Variants in TAFA2 observed in about 807,000 individuals in gnomAD.
The protein encoded by TAFA2 is chemokine-like protein TAFA-2.
Under a neutral mutation model 18.8 loss-of-function variants are expected in TAFA2, and 7 were observed. The observed-to-expected ratio is 0.37, with a 90% confidence interval of 0.21 to 0.70. The LOEUF (loss-of-function observed/expected upper bound fraction) is 0.70. Among genes scored for constraint, TAFA2 ranks in the 30% least tolerant of loss-of-function variants. TAFA2 has a pLI of 0.53. For synonymous variants in TAFA2, 60 were observed against 54.2 expected, an observed-to-expected ratio of 1.11 and a Z score of -0.47; for missense variants, 122 against 158.1, an observed-to-expected ratio of 0.77 and a Z score of 1.23.
At chr12:61,832,659 A>C (rs1361851603) in intron 2 of TAFA2, among the ~76,000 whole-genome samples, 1 of 152,112 alleles carries the variant, frequency 6.6e-6, no homozygotes, top group Non-Finnish European at 1.5e-5. Flanking sequence ...ACTGCTGGCC[A>C]TATCCAGTGT....
At chr12:62,207,196 A>T (rs768968201) in intron 1 of TAFA2, 5 of 152,182 alleles carry the variant, frequency 3.3e-5, no homozygotes, top group Non-Finnish European at 7.3e-5. Flanking sequence ...CCAACATTAG[A>T]CTGCATGCCT....
At chr12:61,907,833 TG>T (rs1373765849) in intron 1 of TAFA2, among the ~76,000 whole-genome samples, 1 of 152,216 alleles carries the variant, frequency 6.6e-6, no homozygotes, top group Admixed American at 6.5e-5. Flanking sequence ...GTGCCCTGGA[TG>T]TGAGACATGG....
intron 1 of TAFA2, among the ~76,000 whole-genome samples, chr12:62,065,407 T>C (rs769618687): frequency 6.6e-6 from 1 of 152,016 alleles, no homozygotes; most frequent in African/African-American, 2.4e-5. Context: ...GAATAAACAA[T>C]GACGGATTAT....
intron 1 of TAFA2, among the ~76,000 whole-genome samples, chr12:61,994,980 A>G (rs967462839): frequency 6.6e-6 from 1 of 152,148 alleles, no homozygotes; most frequent in African/African-American, 2.4e-5. Context: ...GTCCACTGCA[A>G]CTGCCCCCTA....
At chr12:61,819,560 C>T (rs1050853116) in intron 2 of TAFA2, among the ~76,000 whole-genome samples, 1 of 152,098 alleles carries the variant, frequency 6.6e-6, no homozygotes, top group Non-Finnish European at 1.5e-5. Context: ...TTAGATACTG[C>T]ATTATCATTC....
At chr12:61,733,518 A>C (rs1476726311) in intron 4 of TAFA2, among the ~76,000 whole-genome samples, 2 of 150,818 alleles carry the variant, frequency 1.3e-5, no homozygotes, top group Admixed American at 1.3e-4. Context: ...AGCACCATTT[A>C]TTAAATAGGG....
intron 1 of TAFA2, among the ~76,000 whole-genome samples, chr12:62,053,438 G>A (rs530279752): frequency 2.9e-4 from 44 of 152,242 alleles, no homozygotes; most frequent in African/African-American, 9.4e-4. Flanking sequence ...CTAACATAGA[G>A]AGTATGTAAA....
intron 1 of TAFA2, among the ~76,000 whole-genome samples, chr12:61,964,533 C>A (rs901850690): frequency 1.4e-4 from 21 of 151,702 alleles, no homozygotes; most frequent in Non-Finnish European, 8.8e-5. Context: ...CCCTCCCTTC[C>A]CCTACCCTGC....
At chr12:62,122,266 G>A (rs768692799) in intron 1 of TAFA2, among the ~76,000 whole-genome samples, 15 of 152,062 alleles carry the variant, frequency 9.9e-5, no homozygotes, top group South Asian at 6.2e-4. Flanking sequence ...CAATGAATCC[G>A]CCTGTGAGAT....
intron 2 of TAFA2, among the ~76,000 whole-genome samples, chr12:61,772,202 G>T (rs1870059089): frequency 6.6e-6 from 1 of 151,676 alleles, no homozygotes; most frequent in South Asian, 2.1e-4. Flanking sequence ...TCTAAACAGA[G>T]CAATAACAAG....
At chr12:62,138,071 C>T (rs1218018300) in intron 1 of TAFA2, among the ~76,000 whole-genome samples, 2 of 152,066 alleles carry the variant, frequency 1.3e-5, no homozygotes, top group Non-Finnish European at 2.9e-5. Context: ...AATCTTATGT[C>T]TTTGCCTCAA....
chr12:62,181,995 C>T lies in TAFA2; in HGVS notation c.-2+9264G>A, dbSNP rs562030208. ...TTCATCTTTTCTCAAGTCCATCCCCCCCCCGCTACACATAGTAGCTACTCA... is the reference window on the plus strand; with the variant it reads ...TTCATCTTTTCTCAAGTCCATCCCCTCCCCGCTACACATAGTAGCTACTCA... On this transcript the variant is annotated intron_variant, in intron 1 of 4. Transcript: ENST00000416284. 1.7e-4 allele frequency among the ~76,000 whole-genome samples: 25 copies of T among 149,356 alleles called. 1 individual carries two copies. The highest frequency in any genetic ancestry group is 3.1e-4 in the Non-Finnish European group (21 of 67,248).
At chr12:61,852,727 C>T (rs971644652) in intron 2 of TAFA2, among the ~76,000 whole-genome samples, 4 of 151,710 alleles carry the variant, frequency 2.6e-5, no homozygotes, top group Non-Finnish European at 4.4e-5. Flanking sequence ...AGGATATACA[C>T]GAGGAGGGAA....
intron 1 of TAFA2, among the ~76,000 whole-genome samples, chr12:62,081,301 A>G (rs907674056): frequency 6.6e-6 from 1 of 152,172 alleles, no homozygotes; most frequent in Non-Finnish European, 1.5e-5. Flanking sequence ...AATTATTGTC[A>G]CATTCGTTAT....
chr12:61,895,319 CA>C (rs1348924779), intron 1 of TAFA2, among the ~76,000 whole-genome samples: 5 of 152,138 alleles, frequency 3.3e-5, no homozygotes, highest in African/African-American at 1.2e-4. Context: ...AAGTAGGTGA[CA>C]AATGTCTTAA....
In TAFA2 at chr12:61,752,354, C is replaced by T. The variant is rs549345093; in HGVS notation, c.384+1268G>A. ...AAAAATTTGTTTCAGAATCTCAAAA[C>T]GTTAATGAATTTCCTTAAGTCCTGT... On this transcript the variant is annotated intron_variant, in intron 4 of 4. Coordinates refer to ENST00000416284, the MANE Select transcript of TAFA2 (RefSeq NM_178539.5). 3.6e-4 allele frequency among the ~76,000 whole-genome samples: 55 copies of T among 152,086 alleles called. No homozygotes were observed. The South Asian group carries it at 0.01, about 29-fold the overall frequency.
chr12:62,115,235 C>A (rs893794127), intron 1 of TAFA2, among the ~76,000 whole-genome samples: 1 of 152,116 alleles, frequency 6.6e-6, no homozygotes, highest in Non-Finnish European at 1.5e-5. Flanking sequence ...AAAATTTGCA[C>A]CCTTTGCACC....
intron 1 of TAFA2, among the ~76,000 whole-genome samples, chr12:62,119,384 G>A (rs911003477): frequency 1.3e-5 from 2 of 152,076 alleles, no homozygotes; most frequent in Non-Finnish European, 2.9e-5. Context: ...TGATTTCCCC[G>A]AAGCATCCCC....
intron 1 of TAFA2, among the ~76,000 whole-genome samples, chr12:62,070,060 C>T (rs919908054): frequency 2.0e-5 from 3 of 152,128 alleles, no homozygotes; most frequent in African/African-American, 7.2e-5. Flanking sequence ...CAGCAAGAAA[C>T]TAGAGGAAAT....
Sources: gnomAD v4.1 joint callset for allele counts (sites outside exome capture counted in the v4.1 genomes callset) on GRCh38, gnomAD v4.1.1 for gene constraint, MANE v1.5 for transcripts, NCBI Gene and HGNC (gene_info 2026-07-23, HGNC 2026-07-21) for gene names.